CSMD2: variants seen among roughly 807,000 people sequenced by gnomAD.
The protein encoded by CSMD2 is CUB and sushi domain-containing protein 2.
A neutral mutation model predicts 398.5 loss-of-function variants in CSMD2; 130 were observed. The ratio of observed to expected loss-of-function variants is 0.33; its 90% CI spans 0.28 to 0.38. CSMD2 has a LOEUF of 0.38. Among genes scored for constraint, CSMD2 ranks in the 10% least tolerant of loss-of-function variants. The pLI, the probability that CSMD2 is intolerant of heterozygous loss-of-function variation, is 1.00. For synonymous variants in CSMD2, 1,828 were observed against 1,908.5 expected, an observed-to-expected ratio of 0.96 and a Z score of 1.10; for missense variants, 3,829 against 4,764.9, an observed-to-expected ratio of 0.80 and a Z score of 5.78.
intron 13 of CSMD2, among the ~76,000 whole-genome samples, chr1:33,766,327 C>T (rs1009525996): frequency 3.9e-5 from 6 of 152,124 alleles, no homozygotes; most frequent in East Asian, 1.9e-4. Context: ...TCTCATCTTT[C>T]GGGCCCAACC....
intron 1 of CSMD2, among the ~76,000 whole-genome samples, chr1:34,153,172 G>A (rs190391237): frequency 2.6e-5 from 4 of 152,136 alleles, no homozygotes; most frequent in Admixed American, 1.3e-4. Context: ...GCGCACCAAC[G>A]TGCCCGGCTG....
chr1:33,675,088 A>G (rs997441542), intron 25 of CSMD2, among the ~76,000 whole-genome samples: 1 of 152,230 alleles, frequency 6.6e-6, no homozygotes, highest in Non-Finnish European at 1.5e-5. Flanking sequence ...AGCTAGCAGA[A>G]GGCAAGAAAT....
intron 55 of CSMD2, 117 bp downstream of exon 55, chr1:33,557,617 G>GACACAC (rs10579079): frequency 0.056 from 36,518 of 656,558 alleles, 474 homozygotes; most frequent in East Asian, 0.13. Flanking sequence ...TACATGTGCA[G>GACACAC]ACACACACAC....
intron 21 of CSMD2, among the ~76,000 whole-genome samples, chr1:33,712,464 T>C (rs562189): frequency 0.58 from 88,954 of 152,156 alleles, 27,694 homozygotes; most frequent in African/African-American, 0.8. Flanking sequence ...TGGGCATTCC[T>C]GAGATGCCTC....
At chr1:33,938,216 T>G (rs779627856) in intron 3 of CSMD2, among the ~76,000 whole-genome samples, 1 of 152,250 alleles carries the variant, frequency 6.6e-6, no homozygotes, top group African/African-American at 2.4e-5. Flanking sequence ...GCCCTGTCCA[T>G]TGGCCCAGCT....
intron 9 of CSMD2, among the ~76,000 whole-genome samples, chr1:33,812,799 A>G (rs957181569): frequency 6.6e-6 from 1 of 152,224 alleles, no homozygotes; most frequent in African/African-American, 2.4e-5. Context: ...CCTTTGGGAC[A>G]AGAGATAATC....
chr1:33,519,656 G>A lies in CSMD2; in HGVS notation c.10758C>T (p.Phe3586=), dbSNP rs765491387. The A allele has an allele frequency of 6.2e-7, 1 of 1,614,096 alleles. No homozygotes were observed. The highest frequency in any genetic ancestry group is 2.2e-5 in the East Asian group (1 of 44,862). Residue 3586 remains phenylalanine, a synonymous_variant, in exon 70 of 71, where the codon TTC becomes TTT. Coordinates refer to ENST00000373381, the MANE Select transcript of CSMD2 (RefSeq NM_001281956.2). The surrounding 1 kb of genome is among the most constrained non-coding windows in gnomAD (Gnocchi z 5.6). Reference sequence around the variant, plus strand: ...TGTTCTCGTGGCCAGCATAGCCATTGAAAGGAACTTTGGGTCTTCTCCTGG... The same window carrying A: ...TGTTCTCGTGGCCAGCATAGCCATTAAAAGGAACTTTGGGTCTTCTCCTGG... ...YKHRRRPKVP[F]NGYAGHENTN... is the part of the protein sequence containing the mutation.
chr1:33,854,966 AGCTCAGCT>A (rs1204706840), intron 5 of CSMD2, among the ~76,000 whole-genome samples: 1 of 152,110 alleles, frequency 6.6e-6, no homozygotes, highest in African/African-American at 2.4e-5. Flanking sequence ...TTCCATTGCT[AGCTCAGCT>A]GCTCAGCTGG....
At chr1:33,943,715 G>A (rs999299317) in intron 3 of CSMD2, among the ~76,000 whole-genome samples, 1 of 152,018 alleles carries the variant, frequency 6.6e-6, no homozygotes, top group African/African-American at 2.4e-5. Context: ...CCAAACAGGA[G>A]CTGAGCCTGC....
chr1:33,824,770 G>A (rs986376074), intron 7 of CSMD2, among the ~76,000 whole-genome samples: 1 of 152,086 alleles, frequency 6.6e-6, no homozygotes, highest in Non-Finnish European at 1.5e-5. Flanking sequence ...CGATGGAGCA[G>A]AAAGTGGCAA....
intron 19 of CSMD2, among the ~76,000 whole-genome samples, chr1:33,718,893 C>T (rs984922979): frequency 5.3e-5 from 8 of 152,178 alleles, no homozygotes; most frequent in African/African-American, 1.9e-4. Context: ...AGACAGAACC[C>T]AACAGAAGCG....
rs1653826029 is a variant in CSMD2, at chr1:33,788,520, A to AAAAAAAAAT, written c.1663+79_1663+80insATTTTTTTT. The stretch of plus-strand genomic sequence containing the variant: ...GAGACTCCGTCTCAAAAAAAAAAAA[A>AAAAAAAAAT]AAAAAAATTCTGACTGCAAATCCAG... On this transcript the variant is annotated intron_variant, in intron 12 of 70. Transcript: ENST00000373381. 8 of 833,056 alleles carry AAAAAAAAAT rather than the reference A, an allele frequency of 9.6e-6. No individual in the cohort carries two copies. In the South Asian group the frequency reaches 1.3e-4, roughly 13 times the overall value. The allele number at this position is 833,056 out of a possible 1,614,324, so 51.6% of individuals were successfully genotyped here.
chr1:33,660,708 T>C (rs1644102352), intron 26 of CSMD2, among the ~76,000 whole-genome samples: 1 of 152,188 alleles, frequency 6.6e-6, no homozygotes, highest in Admixed American at 6.5e-5. Flanking sequence ...GCCTAAGCAA[T>C]GCTAAGGGCA....
chr1:33,597,984 G>T (rs1639950795), intron 44 of CSMD2, among the ~76,000 whole-genome samples: 1 of 152,202 alleles, frequency 6.6e-6, no homozygotes, highest in African/African-American at 2.4e-5. Flanking sequence ...AACATTTATA[G>T]AATGATTGTC....
chr1:33,565,922 TAA>T (rs1447618214), intron 53 of CSMD2, among the ~76,000 whole-genome samples: 1 of 151,904 alleles, frequency 6.6e-6, no homozygotes, highest in African/African-American at 2.4e-5. Flanking sequence ...GACTAAATTA[TAA>T]GAGGCCCAAG....
chr1:33,992,891 A>G (rs1646605835), intron 3 of CSMD2, among the ~76,000 whole-genome samples: 1 of 151,772 alleles, frequency 6.6e-6, no homozygotes, highest in Non-Finnish European at 1.5e-5. Flanking sequence ...AAAAAAAAAA[A>G]AAAGTTAGAT....
chr1:33,700,297 G>T (rs148562768), intron 23 of CSMD2, among the ~76,000 whole-genome samples: 1 of 152,182 alleles, frequency 6.6e-6, no homozygotes, highest in Admixed American at 6.5e-5. Flanking sequence ...ATGAACCACT[G>T]TGCCCGGCCA....
chr1:33,960,852 G>A (rs1051497644), intron 3 of CSMD2, among the ~76,000 whole-genome samples: 15 of 152,202 alleles, frequency 9.9e-5, no homozygotes, highest in South Asian at 6.2e-4. Context: ...GTTTGAGGGC[G>A]ACTCTGGAAT....
chr1:33,772,738 G>T lies in CSMD2; in HGVS notation c.1677C>A (p.Gly559=). The change falls in exon 13 of 71, where the codon GGC becomes GGA. Residue 559 remains glycine (G), a synonymous_variant. Coordinates refer to ENST00000373381, the MANE Select transcript of CSMD2 (RefSeq NM_001281956.2). ...CAGGTATGCCAGGGTCACCGCAACT[G>T]CCCTGCTCGATCTCTGAAAGACAGG... ...FKASYEEIEQ[G]SCGDPGIPAY... is the part of the protein sequence containing the mutation. The T allele has an allele frequency of 1.2e-6, 2 of 1,611,340 alleles. No individual in the cohort carries two copies. Among genetic ancestry groups the T allele is most frequent in the African/African-American group, 1.3e-5 (1 of 75,008 alleles).
Sources: gnomAD v4.1 joint callset for allele counts (sites outside exome capture counted in the v4.1 genomes callset) on GRCh38, gnomAD v4.1.1 for gene constraint, Gnocchi (gnomAD v3.1) non-coding constraint, MANE v1.5 for transcripts, NCBI Gene and HGNC (gene_info 2026-07-23, HGNC 2026-07-21) for gene names.